SEMA6D: variants seen among roughly 807,000 people sequenced by gnomAD.
SEMA6D encodes semaphorin 6D.
SEMA6D carries 35 observed loss-of-function variants against 106.6 expected under a neutral mutation model. The ratio of observed to expected loss-of-function variants is 0.33; its 90% confidence interval spans 0.25 to 0.44. The LOEUF is 0.44. SEMA6D is among the 20% of genes least tolerant of loss of function. The pLI, the probability that SEMA6D is intolerant of heterozygous loss-of-function variation, is 1.00. For missense variants in SEMA6D, 1,185 were observed against 1,345.9 expected, an observed-to-expected ratio of 0.88 and a Z score of 1.87; for synonymous variants, 499 against 487.7, an observed-to-expected ratio of 1.02 and a Z score of -0.31.
intron 3 of SEMA6D, among the ~76,000 whole-genome samples, chr15:47,534,911 G>T (rs1414859882): frequency 4.6e-5 from 7 of 151,858 alleles, no homozygotes; most frequent in Non-Finnish European, 1.5e-5. Flanking sequence ...ATAAACACTA[G>T]TCTATGCATA....
chr15:47,259,310 T>G (rs1233211494), intron 1 of SEMA6D, among the ~76,000 whole-genome samples: 3 of 152,212 alleles, frequency 2.0e-5, no homozygotes, highest in African/African-American at 7.2e-5. Flanking sequence ...ACCTTTTTGT[T>G]TAAAGAAGTT....
At chr15:47,624,882 A>G (rs1322741858) in intron 4 of SEMA6D, among the ~76,000 whole-genome samples, 7 of 152,216 alleles carry the variant, frequency 4.6e-5, no homozygotes, top group Non-Finnish European at 8.8e-5. Flanking sequence ...ATTTTGTCAA[A>G]TTAGTGAAGA....
At chr15:47,530,812 A>G (rs924571139) in intron 3 of SEMA6D, among the ~76,000 whole-genome samples, 4 of 152,172 alleles carry the variant, frequency 2.6e-5, no homozygotes, top group East Asian at 1.9e-4. Context: ...CTCATTAACT[A>G]GATGATCTTG....
intron 1 of SEMA6D, among the ~76,000 whole-genome samples, chr15:47,344,900 G>A (rs955548083): frequency 6.6e-6 from 1 of 152,128 alleles, no homozygotes; most frequent in Admixed American, 6.6e-5. Context: ...TTACGTTTTT[G>A]TATACTAGCA....
chr15:47,357,767 G>T (rs1045321014), intron 1 of SEMA6D, among the ~76,000 whole-genome samples: 1 of 152,100 alleles, frequency 6.6e-6, no homozygotes, highest in African/African-American at 2.4e-5. Flanking sequence ...GACACACAAA[G>T]GATCAATACT....
intron 3 of SEMA6D, among the ~76,000 whole-genome samples, chr15:47,578,959 C>T (rs895082837): frequency 3.3e-5 from 5 of 151,550 alleles, no homozygotes; most frequent in African/African-American, 1.2e-4. Context: ...ATATGTGGAC[C>T]CCATTTTTAA....
chr15:47,366,952 G>A (rs567878341), intron 1 of SEMA6D, among the ~76,000 whole-genome samples: 1 of 152,294 alleles, frequency 6.6e-6, no homozygotes, highest in African/African-American at 2.4e-5. Flanking sequence ...CAGCCAATAA[G>A]GCTCTGTCTT....
chr15:47,465,857 G>A (rs1234447915), intron 2 of SEMA6D, among the ~76,000 whole-genome samples: 2 of 151,666 alleles, frequency 1.3e-5, no homozygotes, highest in Admixed American at 1.3e-4. Context: ...TGCGAAAATG[G>A]ACTAATTCAC....
rs1198508322 is a variant in SEMA6D at position 47,773,472 on chromosome 15, G to A, written c.*1687G>A. On this transcript the variant is annotated 3_prime_UTR_variant, in exon 19 of 19. Coordinates refer to ENST00000536845, the MANE Select transcript of SEMA6D (RefSeq NM_001358351.3). ...ATGCTGCACACCACACACTTGTTTAGTGAACCAAATCTAGAAAGTACCAAG... is the reference window on the plus strand; with the variant it reads ...ATGCTGCACACCACACACTTGTTTAATGAACCAAATCTAGAAAGTACCAAG... The A allele has an allele frequency of 2.6e-5, 4 of 152,544 alleles. No homozygotes were observed. The highest frequency in any genetic ancestry group is 2.6e-4 in the Admixed American group (4 of 15,272). The allele number at this position is 152,544 out of a possible 1,614,324, so 9.4% of individuals were successfully genotyped here. A position where few individuals can be genotyped will look rare whatever the true frequency, so the allele number is the denominator to read the frequency against.
intron 1 of SEMA6D, among the ~76,000 whole-genome samples, chr15:47,188,407 AAAATGAAACATTTGTGAAATGAGG>A (rs1893717816): frequency 6.6e-6 from 1 of 152,196 alleles, no homozygotes; most frequent in African/African-American, 2.4e-5. Context: ...ATGGGTAATA[AAAATGAAACATTTGTGAAATGAGG>A]AGATATAAGA....
intron 1 of SEMA6D, among the ~76,000 whole-genome samples, chr15:47,289,224 T>C (rs916320609): frequency 6.6e-6 from 1 of 151,716 alleles, no homozygotes; most frequent in Non-Finnish European, 1.5e-5. Context: ...TGAAACCCTG[T>C]CTCTACTAAA....
chr15:47,278,474 T>C (rs1286005455), intron 1 of SEMA6D, among the ~76,000 whole-genome samples: 1 of 152,214 alleles, frequency 6.6e-6, no homozygotes, highest in Non-Finnish European at 1.5e-5. Flanking sequence ...GTTTTTTTCT[T>C]GTAAATTTGT....
intron 4 of SEMA6D, among the ~76,000 whole-genome samples, chr15:47,701,578 C>A (rs1198016623): frequency 6.6e-6 from 1 of 152,150 alleles, no homozygotes; most frequent in Non-Finnish European, 1.5e-5. Flanking sequence ...CTCAATTTAA[C>A]CATCTGCAAT....
chr15:47,239,153 C>T (rs1437942320), intron 1 of SEMA6D, among the ~76,000 whole-genome samples: 1 of 152,092 alleles, frequency 6.6e-6, no homozygotes, highest in Admixed American at 6.5e-5. Context: ...GGAGCATGAA[C>T]CCTATTGTGA....
chr15:47,680,177 T>C (rs1394778926), intron 4 of SEMA6D, among the ~76,000 whole-genome samples: 1 of 152,194 alleles, frequency 6.6e-6, no homozygotes, highest in Non-Finnish European at 1.5e-5. Flanking sequence ...AATTTTCCTT[T>C]GTTGCCCTTT....
intron 2 of SEMA6D, among the ~76,000 whole-genome samples, chr15:47,418,693 G>A (rs2041057778): frequency 6.6e-6 from 1 of 152,046 alleles, no homozygotes; most frequent in African/African-American, 2.4e-5. Flanking sequence ...GAAACTCAGG[G>A]TGGGTAGGGA....
intron 1 of SEMA6D, among the ~76,000 whole-genome samples, chr15:47,375,202 G>T (rs544065422): frequency 6.6e-6 from 1 of 152,276 alleles, no homozygotes; most frequent in South Asian, 2.1e-4. Context: ...GCTCTGAAAA[G>T]ATCAGTCAAG....
chr15:47,768,640 A>G lies in SEMA6D; in HGVS notation c.1825A>G (p.Lys609Glu). The G allele has an allele frequency of 6.2e-7, 1 of 1,613,398 alleles. No homozygotes were observed. Among genetic ancestry groups the G allele is most frequent in the Non-Finnish European group, 8.5e-7 (1 of 1,179,430 alleles). Residue 609 changes from lysine to glutamate, a missense_variant, in exon 18 of 19, where the codon AAA becomes GAA. Lys to Glu is a moderately conservative substitution (Grantham distance 56, BLOSUM62 1). This residue lies in a region of SEMA6D where 750 missense variants were observed against 783.5 expected (regional missense o/e 0.96). Transcript: ENST00000536845. ...GGCAAGTATCCCAGAAATCACACCTAAAGTGATTGATACCTGGAGACCTAA... is the reference window on the plus strand; with the variant it reads ...GGCAAGTATCCCAGAAATCACACCTGAAGTGATTGATACCTGGAGACCTAA... ...TMASIPEITP[K>E]VIDTWRPKLT...
At chr15:47,272,379 A>G (rs1197109487) in intron 1 of SEMA6D, among the ~76,000 whole-genome samples, 1 of 152,180 alleles carries the variant, frequency 6.6e-6, no homozygotes, top group African/African-American at 2.4e-5. Context: ...GCAAAATAGC[A>G]CAAAGACATT....
Sources: allele counts gnomAD v4.1 joint callset (sites outside exome capture counted in the v4.1 genomes callset), GRCh38; gene constraint gnomAD v4.1.1; regional missense constraint gnomAD v4.1.1; transcripts MANE v1.5; gene names NCBI Gene and HGNC (gene_info 2026-07-23, HGNC 2026-07-21).